The following AGBL4 variants were observed in gnomAD, a reference collection of about 807,000 sequenced individuals.
AGBL4 encodes the protein cytosolic carboxypeptidase 6.
A neutral mutation model predicts 66.4 loss-of-function variants in AGBL4; 58 were observed. The observed-to-expected ratio is 0.87, with a 90% CI of 0.71 to 1.09. The LOEUF is 1.09. Among genes scored for constraint, AGBL4 ranks in the 50% least tolerant of loss-of-function variants. AGBL4 has a pLI of 0.00. For missense variants in AGBL4, 579 were observed against 631.0 expected (o/e 0.92, Z 0.88); for synonymous variants, 234 against 222.9 (o/e 1.05, Z -0.44).
At chr1:49,925,509 A>AG (rs1160703647) in intron 1 of AGBL4, among the ~76,000 whole-genome samples, 11 of 152,080 alleles carry the variant, frequency 7.2e-5, no homozygotes, top group African/African-American at 2.7e-4. Context: ...GGAGAAATGA[A>AG]GGGGACTTTG....
At chr1:48,962,966 T>G (rs984300712) in intron 5 of AGBL4, among the ~76,000 whole-genome samples, 2 of 151,484 alleles carry the variant, frequency 1.3e-5, no homozygotes, top group Non-Finnish European at 2.9e-5. Flanking sequence ...TTTAAAACAC[T>G]ATCTGGCATG....
intron 3 of AGBL4, among the ~76,000 whole-genome samples, chr1:49,656,577 C>T (rs1014009067): frequency 2.6e-5 from 4 of 152,234 alleles, no homozygotes; most frequent in Non-Finnish European, 4.4e-5. Context: ...AGACCAATAT[C>T]CCTGATGAAC....
chr1:49,984,762 G>A (rs1287433766), intron 1 of AGBL4, among the ~76,000 whole-genome samples: 1 of 152,096 alleles, frequency 6.6e-6, no homozygotes, highest in African/African-American at 2.4e-5. Flanking sequence ...TTACATAATT[G>A]AAACAAAAGC....
chr1:49,899,490 A>G (rs1267443264), intron 1 of AGBL4, among the ~76,000 whole-genome samples: 1 of 151,726 alleles, frequency 6.6e-6, no homozygotes, highest in Non-Finnish European at 1.5e-5. Flanking sequence ...GACACTTACT[A>G]TATATCCACA....
At chr1:49,161,349 G>A (rs998045544) in intron 4 of AGBL4, among the ~76,000 whole-genome samples, 8 of 152,078 alleles carry the variant, frequency 5.3e-5, no homozygotes, top group Non-Finnish European at 1.0e-4. Context: ...GTGATGCCCC[G>A]CCCTGCTTTG....
chr1:49,511,150 A>G (rs902125389), intron 3 of AGBL4, among the ~76,000 whole-genome samples: 9 of 151,984 alleles, frequency 5.9e-5, no homozygotes, highest in African/African-American at 1.2e-4. Flanking sequence ...AAAGACACAC[A>G]CACACGTATG....
intron 4 of AGBL4, among the ~76,000 whole-genome samples, chr1:49,053,705 AT>A (rs1167251011): frequency 6.6e-6 from 1 of 152,108 alleles, no homozygotes; most frequent in Non-Finnish European, 1.5e-5. Context: ...TCTTAAAAAA[AT>A]TTTTTGTCTG....
intron 3 of AGBL4, among the ~76,000 whole-genome samples, chr1:49,314,937 A>G (rs1001218380): frequency 2.6e-5 from 4 of 152,104 alleles, no homozygotes; most frequent in Non-Finnish European, 4.4e-5. Flanking sequence ...CTGCTGTGAG[A>G]TGGTATCTCA....
In AGBL4 at chr1:49,226,746, G is replaced by A. The variant is rs1371014793; in HGVS notation, c.377+19024C>T. 3.3e-5 allele frequency among the ~76,000 whole-genome samples: 5 copies of A among 152,094 alleles called. No homozygotes were observed. The East Asian group carries it at 9.6e-4, about 29-fold the overall frequency. ...GGTCCCCTTTTTTCCCAATCACTAG[G>A]TCCTTCCTTAAATTCAAATTTCTAT... On this transcript the variant is annotated intron_variant, in intron 4 of 13. Coordinates refer to ENST00000371839, the MANE Select transcript of AGBL4 (RefSeq NM_032785.4).
intron 3 of AGBL4, among the ~76,000 whole-genome samples, chr1:49,327,564 C>T (rs939426790): frequency 3.3e-5 from 5 of 152,164 alleles, no homozygotes; most frequent in Non-Finnish European, 5.9e-5. Context: ...TCCAAGATGG[C>T]GCCTTGCTGC....
At chr1:49,541,633 T>C (rs532913153) in intron 3 of AGBL4, among the ~76,000 whole-genome samples, 4 of 152,228 alleles carry the variant, frequency 2.6e-5, no homozygotes, top group Admixed American at 2.0e-4. Flanking sequence ...TGGGCTCCTG[T>C]GCAGCCCCAG....
At chr1:48,821,574 AG>A (rs1389381938) in intron 6 of AGBL4, among the ~76,000 whole-genome samples, 1 of 152,166 alleles carries the variant, frequency 6.6e-6, no homozygotes, top group Non-Finnish European at 1.5e-5. Flanking sequence ...TGAAAATAAC[AG>A]ACACTGGGGA....
chr1:49,938,144 T>C (rs373916525), intron 1 of AGBL4, among the ~76,000 whole-genome samples: 10,903 of 146,134 alleles, frequency 0.075, 556 homozygotes, highest in African/African-American at 0.13. Flanking sequence ...ATAGATGCAA[T>C]AAAAAATGAT....
rs918346665 is a variant in AGBL4, at chr1:49,061,918, G to A, written c.378-16118C>T. 2.0e-5 allele frequency among the ~76,000 whole-genome samples: 3 copies of A among 152,218 alleles called. No homozygotes were observed. The South Asian group carries it at 6.2e-4, about 32-fold the overall frequency. On this transcript the variant is annotated intron_variant, in intron 4 of 13. Coordinates refer to ENST00000371839, the MANE Select transcript of AGBL4 (RefSeq NM_032785.4). ...CAACACTTAACTCTCTAGAGCAGGG[G>A]TCCCCAACCCCTGGGGCCACGGACA...
At chr1:49,298,885 C>T (rs1644691873) in intron 3 of AGBL4, among the ~76,000 whole-genome samples, 1 of 152,112 alleles carries the variant, frequency 6.6e-6, no homozygotes, top group Non-Finnish European at 1.5e-5. Flanking sequence ...ATTCATGATC[C>T]TCTGCAATCT....
In AGBL4 at chr1:48,975,816, T is replaced by C. The variant is rs1015675951; in HGVS notation, c.594+69768A>G. ...GTTCACGCTATGACTTCAAAGGAAATTCTGTGGAACTGATTGAAGAATAAG... is the reference window on the plus strand; with the variant it reads ...GTTCACGCTATGACTTCAAAGGAAACTCTGTGGAACTGATTGAAGAATAAG... On this transcript the variant is annotated intron_variant, in intron 5 of 13. Transcript: ENST00000371839. Among the ~76,000 whole-genome samples, 99 of 152,136 alleles carry C rather than the reference T, an allele frequency of 6.5e-4. 1 individual carries two copies. The highest frequency in any genetic ancestry group is 2.3e-3 in the African/African-American group (96 of 41,440).
chr1:49,668,717 T>C (rs1646417269), intron 3 of AGBL4, among the ~76,000 whole-genome samples: 1 of 152,204 alleles, frequency 6.6e-6, no homozygotes, highest in South Asian at 2.1e-4. Context: ...ATCCCACTCC[T>C]GAATTGATTA....
intron 1 of AGBL4, among the ~76,000 whole-genome samples, chr1:49,863,711 G>A (rs1374098025): frequency 6.6e-6 from 1 of 152,118 alleles, no homozygotes; most frequent in Non-Finnish European, 1.5e-5. Context: ...TCAAAGAAAT[G>A]AAAATCAACA....
At chr1:49,228,994 C>T (rs1650108019) in intron 4 of AGBL4, among the ~76,000 whole-genome samples, 2 of 152,186 alleles carry the variant, frequency 1.3e-5, no homozygotes, top group African/African-American at 4.8e-5. Context: ...CGTATTACAG[C>T]CAGCCAAAAT....
Sources: allele counts gnomAD v4.1 joint callset (sites outside exome capture counted in the v4.1 genomes callset), GRCh38; gene constraint gnomAD v4.1.1; transcripts MANE v1.5; gene names NCBI Gene and HGNC (gene_info 2026-07-23, HGNC 2026-07-21).